The following DOCK1 variants were observed in gnomAD, a reference collection of about 807,000 sequenced individuals.
DOCK1 encodes dedicator of cytokinesis 1.
Under a neutral mutation model 262.7 loss-of-function variants are expected in DOCK1, and 138 were observed. The observed-to-expected ratio is 0.53, with a 90% CI of 0.46 to 0.61. The LOEUF is 0.61. DOCK1 is among the 20% of genes least tolerant of loss of function. The pLI is 0.00. For synonymous variants in DOCK1, 866 were observed against 867.4 expected (o/e 1.00, Z 0.03); for missense variants, 1,908 against 2,370.7 (o/e 0.80, Z 4.05).
chr10:127,196,742 G>A (rs1177794780), intron 27 of DOCK1, among the ~76,000 whole-genome samples: 2 of 149,976 alleles, frequency 1.3e-5, no homozygotes, highest in Non-Finnish European at 3.0e-5. Flanking sequence ...GGAGGAGGTG[G>A]AAGGAGCTGC....
intron 29 of DOCK1, among the ~76,000 whole-genome samples, chr10:127,335,955 A>T (rs575316344): frequency 6.6e-6 from 1 of 151,382 alleles, no homozygotes; most frequent in African/African-American, 2.4e-5. Flanking sequence ...TGACCTTGTG[A>T]TCCGCCTGCC....
At chr10:127,198,810 T>C (rs1170436125) in intron 27 of DOCK1, among the ~76,000 whole-genome samples, 1 of 150,668 alleles carries the variant, frequency 6.6e-6, no homozygotes, top group Non-Finnish European at 1.5e-5. Context: ...GTCTTCAGCA[T>C]CACAAATCAA....
chr10:127,094,677 C>T (rs1319847892), intron 23 of DOCK1, among the ~76,000 whole-genome samples: 2 of 152,224 alleles, frequency 1.3e-5, no homozygotes, highest in Non-Finnish European at 1.5e-5. Flanking sequence ...ATCTTCTACC[C>T]ACTTCTGTTC....
chr10:127,431,045 G>T (rs1432146898), intron 47 of DOCK1, among the ~76,000 whole-genome samples: 3 of 152,038 alleles, frequency 2.0e-5, no homozygotes, highest in Admixed American at 6.5e-5. Flanking sequence ...GGCCCTCTGG[G>T]CAGGGAAGAC....
intron 29 of DOCK1, among the ~76,000 whole-genome samples, chr10:127,302,753 T>TGG (rs2061730418): frequency 6.8e-6 from 1 of 148,098 alleles, no homozygotes; most frequent in Non-Finnish European, 1.5e-5. Flanking sequence ...TGTGTGTGTG[T>TGG]GTGTGTGTGT....
intron 48 of DOCK1, among the ~76,000 whole-genome samples, chr10:127,433,808 C>T (rs1179287115): frequency 2.6e-5 from 4 of 151,958 alleles, no homozygotes; most frequent in Non-Finnish European, 5.9e-5. Flanking sequence ...CTCCTTAAAA[C>T]AGTATGAGAT....
chr10:127,042,672 C>T lies in DOCK1; in HGVS notation c.2058C>T (p.Asn686=). ...LDALFNIMME[N]SESETFDTLV... The stretch of plus-strand genomic sequence containing the variant: ...CCCTCTTCAACATCATGATGGAGAA[C>T]TCAGAGAGTGAGACTTTTGACACGT... Residue 686 remains asparagine (N), a synonymous_variant, in exon 20 of 52, where the codon AAC becomes AAT. Transcript: ENST00000623213. The T allele has an allele frequency of 6.2e-7, 1 of 1,614,156 alleles. No homozygotes were observed. The highest frequency in any genetic ancestry group is 8.5e-7 in the Non-Finnish European group (1 of 1,180,028).
chr10:127,147,531 C>T lies in DOCK1; in HGVS notation c.2847+19767C>T, dbSNP rs1343788585. Among the ~76,000 whole-genome samples, 3 of 152,152 alleles carry T rather than the reference C, an allele frequency of 2.0e-5. No individual in the cohort carries two copies. In the East Asian group the frequency reaches 5.8e-4, roughly 29 times the overall value. ...TACAGAGGGCTCTCTCTCGCCAGAG[C>T]TCTGTCCTTACCCTCATCCCGGGGT... On this transcript the variant is annotated intron_variant, in intron 27 of 51. Coordinates refer to ENST00000623213, the MANE Select transcript of DOCK1 (RefSeq NM_001290223.2).
At chr10:127,362,719 T>C (rs1256913068) in intron 33 of DOCK1, among the ~76,000 whole-genome samples, 1 of 152,186 alleles carries the variant, frequency 6.6e-6, no homozygotes, top group African/African-American at 2.4e-5. Context: ...ACAAACAGCA[T>C]GAGGGACAAA....
In DOCK1 at chr10:127,281,140, C is replaced by T. The variant is rs140730992; in HGVS notation, c.3044+23711C>T. On this transcript the variant is annotated intron_variant, in intron 29 of 51. Transcript: ENST00000623213. ...GTGGAGGCTCCAGGGCTTTGCCTCA[C>T]TCATACAGTTTTATTTTTAAATTGA... 5.1e-4 allele frequency among the ~76,000 whole-genome samples: 78 copies of T among 152,302 alleles called. No individual in the cohort carries two copies. In the Middle Eastern group the frequency reaches 0.017, roughly 33 times the overall value.
intron 33 of DOCK1, among the ~76,000 whole-genome samples, chr10:127,370,173 G>A (rs2065130750): frequency 6.6e-6 from 1 of 152,222 alleles, no homozygotes; most frequent in African/African-American, 2.4e-5. Flanking sequence ...CCCTCTGCCT[G>A]CAGTATCTTC....
intron 1 of DOCK1, among the ~76,000 whole-genome samples, chr10:126,922,445 A>G (rs1157224237): frequency 6.6e-6 from 1 of 152,012 alleles, no homozygotes; most frequent in Non-Finnish European, 1.5e-5. Flanking sequence ...GAGTCTTAGA[A>G]TCTTTTAGTT....
At chr10:127,084,654 G>A (rs1250058110) in intron 23 of DOCK1, among the ~76,000 whole-genome samples, 3 of 152,166 alleles carry the variant, frequency 2.0e-5, no homozygotes, top group African/African-American at 4.8e-5. Flanking sequence ...CCTTTCTAAC[G>A]GGTTTACATG....
In DOCK1 at chr10:126,990,437, G is replaced by C; in HGVS notation, c.325-18G>C. The C allele has an allele frequency of 6.3e-7, 1 of 1,588,916 alleles. No individual in the cohort carries two copies. The highest frequency in any genetic ancestry group is 2.3e-5 in the East Asian group (1 of 44,374). On this transcript the variant is annotated intron_variant, in intron 5 of 51. Transcript: ENST00000623213. ...GTTTTATAACAAAATCTTTCTGATT[G>C]GGTTTTTCCCCGTATAGCAAGATAA...
chr10:127,183,143 A>C (rs1380474841), intron 27 of DOCK1, among the ~76,000 whole-genome samples: 3 of 143,930 alleles, frequency 2.1e-5, no homozygotes, highest in East Asian at 4.2e-4. Flanking sequence ...AACTAAAACT[A>C]GGACATTGAT....
chr10:126,982,579 C>T (rs953504055), intron 4 of DOCK1, among the ~76,000 whole-genome samples: 2 of 152,226 alleles, frequency 1.3e-5, no homozygotes, highest in Non-Finnish European at 2.9e-5. Flanking sequence ...GCTACATCTT[C>T]ACACTCAGTT....
chr10:127,082,495 C>A (rs2046961871), intron 23 of DOCK1, among the ~76,000 whole-genome samples: 1 of 152,040 alleles, frequency 6.6e-6, no homozygotes, highest in Non-Finnish European at 1.5e-5. Context: ...GGAGAACTGC[C>A]CTTTATAAAA....
At chr10:126,949,275 G>T (rs1220842321) in intron 1 of DOCK1, among the ~76,000 whole-genome samples, 4 of 152,136 alleles carry the variant, frequency 2.6e-5, no homozygotes, top group Admixed American at 2.6e-4. Flanking sequence ...GGGGAATGGG[G>T]AGCCGCAGGA....
chr10:127,239,221 C>G (rs1445175304), intron 27 of DOCK1, among the ~76,000 whole-genome samples: 1 of 152,162 alleles, frequency 6.6e-6, no homozygotes, highest in Non-Finnish European at 1.5e-5. Flanking sequence ...ATTGGATGAT[C>G]ACTTGTCATG....
Sources: gnomAD v4.1 joint callset for allele counts (sites outside exome capture counted in the v4.1 genomes callset) on GRCh38, gnomAD v4.1.1 for gene constraint, MANE v1.5 for transcripts, NCBI Gene and HGNC (gene_info 2026-07-23, HGNC 2026-07-21) for gene names.